Variants in EEPD1 observed in about 807,000 individuals in gnomAD.
The protein encoded by EEPD1 is endonuclease/exonuclease/phosphatase family domain-containing protein 1.
Under a neutral mutation model 46.3 loss-of-function variants are expected in EEPD1, and 17 were observed. The ratio of observed to expected loss-of-function variants is 0.37; its 90% CI spans 0.25 to 0.55. EEPD1 has a LOEUF of 0.55. Among genes scored for constraint, EEPD1 ranks in the 20% least tolerant of loss-of-function variants. EEPD1 has a pLI of 0.83. For missense variants in EEPD1, 673 were observed against 745.6 expected (o/e 0.90, Z 1.13); for synonymous variants, 313 against 315.6 (o/e 0.99, Z 0.09).
chr7:36,278,065 C>A (rs1051581017), intron 3 of EEPD1, among the ~76,000 whole-genome samples: 1 of 152,178 alleles, frequency 6.6e-6, no homozygotes, highest in Non-Finnish European at 1.5e-5. Context: ...AAAATGCAGA[C>A]TTCTAGGCCC....
intron 2 of EEPD1, among the ~76,000 whole-genome samples, chr7:36,202,480 A>G (rs779549321): frequency 1.3e-5 from 2 of 152,048 alleles, no homozygotes; most frequent in African/African-American, 2.4e-5. Context: ...GCAACTCACA[A>G]CCAGGACTGT....
intron 2 of EEPD1, among the ~76,000 whole-genome samples, chr7:36,178,100 T>A (rs1367126096): frequency 2.0e-5 from 3 of 152,330 alleles, no homozygotes; most frequent in East Asian, 3.9e-4. Context: ...GGGCCTCATC[T>A]TCTTCCCTGG....
intron 2 of EEPD1, among the ~76,000 whole-genome samples, chr7:36,190,111 C>T (rs1038825759): frequency 7.2e-5 from 11 of 152,300 alleles, no homozygotes; most frequent in Middle Eastern, 3.4e-3. Flanking sequence ...GTGGCTCACA[C>T]CTATAATCCC....
intron 2 of EEPD1, among the ~76,000 whole-genome samples, chr7:36,160,190 C>T (rs564577315): frequency 2.0e-5 from 3 of 152,220 alleles, no homozygotes; most frequent in Non-Finnish European, 4.4e-5. Context: ...CTGTTTGGAG[C>T]TCTCACTAGG....
At chr7:36,238,477 A>T (rs192341603) in intron 2 of EEPD1, among the ~76,000 whole-genome samples, 3 of 152,204 alleles carry the variant, frequency 2.0e-5, no homozygotes, top group Non-Finnish European at 4.4e-5. Context: ...GATATCTCAT[A>T]TAAGTGGGAT....
intron 2 of EEPD1, among the ~76,000 whole-genome samples, chr7:36,236,930 C>G (rs1219962623): frequency 6.6e-6 from 1 of 152,192 alleles, no homozygotes; most frequent in South Asian, 2.1e-4. Context: ...AGGGGCAACC[C>G]GCTCGCCTAC....
At chr7:36,297,286 A>G (rs1787542746) in intron 7 of EEPD1, 99 bp downstream of exon 7, 4 of 1,350,912 alleles carry the variant, frequency 3.0e-6, no homozygotes, top group East Asian at 2.4e-5. Context: ...TGAGGCATAC[A>G]TAGGATTGTG....
chr7:36,272,554 C>T, intron 3 of EEPD1, among the ~76,000 whole-genome samples: 1 of 141,482 alleles, frequency 7.1e-6, no homozygotes. Flanking sequence ...AACCATCTTG[C>T]TCAGGAACCA....
intron 2 of EEPD1, among the ~76,000 whole-genome samples, chr7:36,237,172 A>G (rs900843721): frequency 6.6e-6 from 1 of 152,218 alleles, no homozygotes; most frequent in Admixed American, 6.5e-5. Context: ...AGTCAGCGAA[A>G]CCACGAACCC....
chr7:36,274,852 G>A (rs916604955), intron 3 of EEPD1, among the ~76,000 whole-genome samples: 4 of 152,130 alleles, frequency 2.6e-5, no homozygotes, highest in African/African-American at 9.7e-5. Context: ...CTTGCTTACC[G>A]TTCACATTTC....
rs377749690 is a variant in EEPD1, at chr7:36,180,301, A to T, written c.878+25099A>T. ...TCATTGGTACCAGATGTCCCATCCC[A>T]TTGTGTCATTTCTGTGTGGCTTACT... On this transcript the variant is annotated intron_variant, in intron 2 of 7. Transcript: ENST00000242108. 5.9e-5 allele frequency among the ~76,000 whole-genome samples: 9 copies of T among 152,294 alleles called. No individual in the cohort carries two copies. In the East Asian group the frequency reaches 1.2e-3, roughly 20 times the overall value.
intron 3 of EEPD1, among the ~76,000 whole-genome samples, chr7:36,268,374 T>A (rs758981022): frequency 1.6e-4 from 24 of 152,274 alleles, no homozygotes; most frequent in Admixed American, 5.9e-4. Context: ...TTGTCCAGGC[T>A]GGTCTCGAAC....
chr7:36,179,034 TAAAAG>T (rs1448974300), intron 2 of EEPD1, among the ~76,000 whole-genome samples: 1 of 152,224 alleles, frequency 6.6e-6, no homozygotes, highest in Non-Finnish European at 1.5e-5. Context: ...AAGAAAATAA[TAAAAG>T]AAATTACTGT....
At chr7:36,196,982 G>GC (rs1162056565) in intron 2 of EEPD1, among the ~76,000 whole-genome samples, 3 of 151,206 alleles carry the variant, frequency 2.0e-5, no homozygotes, top group Non-Finnish European at 3.0e-5. Flanking sequence ...TCTCTGCCCG[G>GC]CCCCCCATCG....
chr7:36,162,304 C>T (rs1274450000), intron 2 of EEPD1, among the ~76,000 whole-genome samples: 1 of 152,174 alleles, frequency 6.6e-6, no homozygotes, highest in Non-Finnish European at 1.5e-5. Flanking sequence ...GTAAACATTT[C>T]ATTATAAAGG....
intron 3 of EEPD1, among the ~76,000 whole-genome samples, chr7:36,276,414 A>C (rs1186773049): frequency 6.6e-6 from 1 of 152,180 alleles, no homozygotes; most frequent in Admixed American, 6.5e-5. Flanking sequence ...TGATTCTGGG[A>C]AACTGGGATC....
intron 3 of EEPD1, among the ~76,000 whole-genome samples, chr7:36,250,945 G>A (rs557810461): frequency 4.6e-5 from 7 of 152,274 alleles, no homozygotes; most frequent in African/African-American, 9.6e-5. Flanking sequence ...GCCTAGTGAG[G>A]AAATGAATCA....
intron 2 of EEPD1, among the ~76,000 whole-genome samples, chr7:36,188,125 G>A (rs745501208): frequency 7.2e-5 from 11 of 152,078 alleles, no homozygotes; most frequent in Non-Finnish European, 2.9e-5. Flanking sequence ...AATTGTAGTT[G>A]TTACTCTCTT....
chr7:36,287,948 G>A (rs1027954336), intron 6 of EEPD1, among the ~76,000 whole-genome samples, 171 bp downstream of exon 6: 12 of 152,282 alleles, frequency 7.9e-5, no homozygotes, highest in African/African-American at 1.4e-4. Context: ...GACCCTGCAC[G>A]GCCACATCTG....
Sources: allele counts gnomAD v4.1 joint callset (sites outside exome capture counted in the v4.1 genomes callset), GRCh38; gene constraint gnomAD v4.1.1; transcripts MANE v1.5; gene names NCBI Gene and HGNC (gene_info 2026-07-23, HGNC 2026-07-21).